ZFHX3: variants seen among roughly 807,000 people sequenced by gnomAD.
ZFHX3 encodes the protein zinc finger homeobox protein 3.
In ZFHX3, 42 loss-of-function variants were observed where a neutral mutation model predicts 279.1. That is an observed-to-expected ratio of 0.15 (90% confidence interval 0.12 to 0.19). The LOEUF is 0.19. Ranked by LOEUF, ZFHX3 falls within the 10% of genes least tolerant of loss-of-function variation. The pLI, the probability that ZFHX3 is intolerant of heterozygous loss-of-function variation, is 1.00. For missense variants in ZFHX3, 4,981 were observed against 4,754.0 expected (o/e 1.05, Z -1.40); for synonymous variants, 2,293 against 1,957.8 (o/e 1.17, Z -4.52).
intron 1 of ZFHX3, among the ~76,000 whole-genome samples, chr16:73,821,856 C>T (rs1242181443): frequency 1.3e-5 from 2 of 152,136 alleles, no homozygotes; most frequent in Admixed American, 1.3e-4. Flanking sequence ...ATGGGCTGAC[C>T]TTTGTAAAGG....
At chr16:72,828,558 C>G (rs775280402) in intron 5 of ZFHX3, among the ~76,000 whole-genome samples, 2 of 152,178 alleles carry the variant, frequency 1.3e-5, no homozygotes, top group Non-Finnish European at 2.9e-5. Context: ...GCTTGTCTCC[C>G]CTTTGGGTGG....
At chr16:73,862,647 A>C (rs1373451677) in intron 1 of ZFHX3, among the ~76,000 whole-genome samples, 1 of 152,018 alleles carries the variant, frequency 6.6e-6, no homozygotes, top group Non-Finnish European at 1.5e-5. Flanking sequence ...GTGGTGGCAC[A>C]TGCCTGTTTG....
chr16:73,013,749 CAT>C (rs1963999286), intron 1 of ZFHX3, among the ~76,000 whole-genome samples: 1 of 152,072 alleles, frequency 6.6e-6, no homozygotes, highest in Non-Finnish European at 1.5e-5. Context: ...AGGAAATAGG[CAT>C]TGTTGGAACA....
At chr16:73,571,267 G>A (rs905340065) in intron 2 of ZFHX3, among the ~76,000 whole-genome samples, 2 of 151,768 alleles carry the variant, frequency 1.3e-5, no homozygotes, top group African/African-American at 4.8e-5. Flanking sequence ...TAGATATACC[G>A]CTCCTACCTC....
At chr16:73,084,742 G>A (rs909091835) in intron 8 of ZFHX3, among the ~76,000 whole-genome samples, 1 of 151,816 alleles carries the variant, frequency 6.6e-6, no homozygotes, top group Non-Finnish European at 1.5e-5. Context: ...GGATGGTCTC[G>A]ATCTCCTGGC....
chr16:73,635,169 T>G (rs915961593), intron 2 of ZFHX3, among the ~76,000 whole-genome samples: 2 of 152,148 alleles, frequency 1.3e-5, no homozygotes, highest in Non-Finnish European at 2.9e-5. Flanking sequence ...TTGTCAAAGT[T>G]TCTTCACTAA....
At chr16:72,921,246 C>T (rs866942766) in intron 3 of ZFHX3, among the ~76,000 whole-genome samples, 5 of 152,132 alleles carry the variant, frequency 3.3e-5, no homozygotes, top group African/African-American at 9.7e-5. Flanking sequence ...GGAGGGTAAC[C>T]GGGTGGTGTC....
chr16:72,862,236 G>A (rs1440659200), intron 4 of ZFHX3, among the ~76,000 whole-genome samples: 1 of 152,172 alleles, frequency 6.6e-6, no homozygotes, highest in Admixed American at 6.5e-5. Flanking sequence ...TGGGTCTGGT[G>A]GTAGATGCCA....
intron 5 of ZFHX3, among the ~76,000 whole-genome samples, chr16:73,184,546 A>G (rs1967871176): frequency 6.6e-6 from 1 of 152,160 alleles, no homozygotes. Flanking sequence ...AGGGAAAGGC[A>G]GGTCGTGAGC....
intron 7 of ZFHX3, among the ~76,000 whole-genome samples, chr16:73,103,923 A>C (rs894059666): frequency 3.3e-5 from 5 of 152,248 alleles, no homozygotes; most frequent in African/African-American, 1.2e-4. Context: ...CAAGGAGTTT[A>C]GTGATTTGAC....
intron 3 of ZFHX3, among the ~76,000 whole-genome samples, chr16:73,448,639 G>A (rs1486993132): frequency 6.6e-6 from 1 of 151,426 alleles, no homozygotes; most frequent in Non-Finnish European, 1.5e-5. Context: ...TCATATATAA[G>A]AGAAACATGA....
intron 1 of ZFHX3, among the ~76,000 whole-genome samples, chr16:73,841,257 A>T (rs1961299047): frequency 6.6e-6 from 1 of 151,834 alleles, no homozygotes; most frequent in South Asian, 2.1e-4. Flanking sequence ...CATCTCCTTC[A>T]GCTCCTACAT....
At chr16:73,519,956 TG>T (rs1200416269) in intron 2 of ZFHX3, among the ~76,000 whole-genome samples, 2 of 152,184 alleles carry the variant, frequency 1.3e-5, no homozygotes, top group Non-Finnish European at 2.9e-5. Flanking sequence ...AACTTATGCC[TG>T]TTTTTTTAGA....
intron 3 of ZFHX3, among the ~76,000 whole-genome samples, chr16:73,352,739 T>C (rs1429274001): frequency 1.3e-5 from 2 of 152,056 alleles, no homozygotes; most frequent in African/African-American, 4.8e-5. Context: ...CTGGGACACA[T>C]AGAAGCTTTA....
At chr16:73,106,349 T>A (rs887678299) in intron 7 of ZFHX3, among the ~76,000 whole-genome samples, 3 of 152,170 alleles carry the variant, frequency 2.0e-5, no homozygotes, top group Non-Finnish European at 2.9e-5. Context: ...TAAATGCCCA[T>A]GCTTTTTGCA....
At chr16:73,799,825 A>G (rs1960092290) in intron 1 of ZFHX3, among the ~76,000 whole-genome samples, 1 of 152,196 alleles carries the variant, frequency 6.6e-6, no homozygotes, top group African/African-American at 2.4e-5. Context: ...AAGAGAATCA[A>G]AAGTCCCAAT....
intron 8 of ZFHX3, among the ~76,000 whole-genome samples, chr16:73,088,295 G>A (rs1270301481): frequency 2.0e-5 from 3 of 151,688 alleles, no homozygotes; most frequent in Non-Finnish European, 2.9e-5. Context: ...ACAGCTGTGT[G>A]CCACCATGCC....
Position 72,795,259 on chromosome 16 carries a change from C to G in ZFHX3, c.7423G>C (p.Val2475Leu), listed in dbSNP as rs1205019479. The G allele has an allele frequency of 6.2e-7, 1 of 1,612,102 alleles. No individual in the cohort carries two copies. Among genetic ancestry groups the G allele is most frequent in the African/African-American group, 1.3e-5 (1 of 74,698 alleles). ...NTPQQKLPQLVSLPSLPQPPP... is the reference protein window; with the variant it reads ...NTPQQKLPQLLSLPSLPQPPP... The stretch of plus-strand genomic sequence containing the variant: ...GGCTGTGGCAACGAAGGCAGGGACA[C>G]CAGCTGGGGGAGCTTCTGCTGGGGA... Residue 2475 changes from valine to leucine, a missense_variant, in exon 9 of 10, where the codon GTG (valine) becomes CTG (leucine). Physicochemically the swap from Val to Leu is conservative, Grantham distance 32. This residue lies in a region of ZFHX3 where 744 missense variants were observed against 701.3 expected (regional missense o/e 1.06). Transcript: ENST00000268489.
chr16:73,186,207 A>T (rs1967904279), intron 5 of ZFHX3, among the ~76,000 whole-genome samples: 1 of 152,170 alleles, frequency 6.6e-6, no homozygotes, highest in Non-Finnish European at 1.5e-5. Context: ...TAAAGTGCAC[A>T]ATAAATGGAA....
Sources: gnomAD v4.1 joint callset for allele counts (sites outside exome capture counted in the v4.1 genomes callset) on GRCh38, gnomAD v4.1.1 for gene constraint, gnomAD v4.1.1 regional missense constraint, MANE v1.5 for transcripts, NCBI Gene and HGNC (gene_info 2026-07-23, HGNC 2026-07-21) for gene names.